ZNF425: variants seen among roughly 807,000 people sequenced by gnomAD.
ZNF425 encodes zinc finger protein 425.
In ZNF425, 21 loss-of-function variants were observed where a neutral mutation model predicts 17.0. The ratio of observed to expected loss-of-function variants is 1.23; its 90% CI spans 0.88 to 1.78. The LOEUF (loss-of-function observed/expected upper bound fraction) is 1.78, where lower values mean the gene tolerates loss of function less well. Among genes scored for constraint, ZNF425 ranks in the 40% most tolerant of loss-of-function variants. The pLI, the probability that ZNF425 is intolerant of heterozygous loss-of-function variation, is 0.00. For missense variants in ZNF425, 868 were observed against 967.3 expected, an observed-to-expected ratio of 0.90 and a Z score of 1.36; for synonymous variants, 433 against 384.1, an observed-to-expected ratio of 1.13 and a Z score of -1.49.
Position 149,126,298 on chromosome 7 carries a change from C to A in ZNF425, c.-85G>T. The A allele has an allele frequency of 6.6e-7, 1 of 1,526,216 alleles. No individual in the cohort carries two copies. 94.5% of individuals were successfully genotyped at this position (1,526,216 alleles called of 1,614,324 possible). A position where few individuals can be genotyped will look rare whatever the true frequency, so the allele number is the denominator to read the frequency against. ...CAACTCCCAGGTACAGCCCTGCTGGCCCCCAAAGGCAGAGCCGGCCGGGCG... is the reference window on the plus strand; with the variant it reads ...CAACTCCCAGGTACAGCCCTGCTGGACCCCAAAGGCAGAGCCGGCCGGGCG... On this transcript the variant is annotated 5_prime_UTR_variant, in exon 1 of 4. Coordinates refer to ENST00000378061, the MANE Select transcript of ZNF425 (RefSeq NM_001001661.3).
At chr7:149,123,048 G>C (rs556679000) in intron 1 of ZNF425, among the ~76,000 whole-genome samples, 104 of 152,248 alleles carry the variant, frequency 6.8e-4, no homozygotes, top group Non-Finnish European at 1.4e-3. Flanking sequence ...CATTTTATGT[G>C]AACTCATGTT....
chr7:149,111,187 C>T (rs762821021), intron 3 of ZNF425, among the ~76,000 whole-genome samples: 15 of 151,712 alleles, frequency 9.9e-5, no homozygotes, highest in African/African-American at 1.7e-4. Flanking sequence ...TGGTGGCTCA[C>T]GTCTATAATC....
Position 149,104,125 on chromosome 7 carries a change from G to C in ZNF425, c.1746C>G (p.Phe582Leu). The C allele has an allele frequency of 2.5e-6, 4 of 1,612,510 alleles. No homozygotes were observed. The highest frequency in any genetic ancestry group is 4.5e-5 in the East Asian group (2 of 44,820). Residue 582 changes from phenylalanine (F) to leucine (L), a missense_variant, in exon 4 of 4, where the codon TTC becomes TTG. Coordinates refer to ENST00000378061, the MANE Select transcript of ZNF425 (RefSeq NM_001001661.3). This position sits in a 1 kb window ranked among gnomAD's most constrained non-coding sequence, Gnocchi z 4.3. ...HQRMHRDEKP[F>L]ACGECDKTYT... The stretch of plus-strand genomic sequence containing the variant: ...AGGTCTTGTCACACTCACCGCACGC[G>C]AAGGGCTTCTCGTCCCTGTGCATCC...
chr7:149,108,388 C>CTAA (rs1267070489), intron 3 of ZNF425, among the ~76,000 whole-genome samples: 1 of 152,166 alleles, frequency 6.6e-6, no homozygotes, highest in Non-Finnish European at 1.5e-5. Flanking sequence ...TAAGTTAACA[C>CTAA]TAATACCTTT....
chr7:149,108,809 T>G (rs1390276271), intron 3 of ZNF425, among the ~76,000 whole-genome samples: 1 of 152,100 alleles, frequency 6.6e-6, no homozygotes, highest in African/African-American at 2.4e-5. Context: ...GGGGAATCGT[T>G]TGAATCCGGG....
rs767501975 is a variant in ZNF425 at position 149,104,008 on chromosome 7, G to T, written c.1863C>A (p.Leu621=). 1.9e-6 allele frequency: 3 copies of T among 1,613,718 alleles called. No individual in the cohort carries two copies. Among genetic ancestry groups the T allele is most frequent in the Admixed American group, 3.3e-5 (2 of 59,984 alleles). The change falls in exon 4 of 4, where the codon CTC becomes CTA. Residue 621 remains leucine, a synonymous_variant. Coordinates refer to ENST00000378061, the MANE Select transcript of ZNF425 (RefSeq NM_001001661.3). This position sits in a 1 kb window ranked among gnomAD's most constrained non-coding sequence, Gnocchi z 4.3. ...GCAGGTGGCTTTTCAGGTTTCCCTT[G>T]AGGCGGAAAGTCTTCTCGCATTCAG... The part of the protein sequence containing the change: ...QCPECEKTFR[L]KGNLKSHLLQ...
intron 2 of ZNF425, among the ~76,000 whole-genome samples, chr7:149,114,980 G>C (rs1826238541): frequency 7.1e-6 from 1 of 140,626 alleles, no homozygotes; most frequent in African/African-American, 2.7e-5. Flanking sequence ...TGTCACCCAG[G>C]CTGGACTGCA....
chr7:149,103,608 T>C lies in ZNF425; in HGVS notation c.*4A>G, dbSNP rs1158009954. 1 of 1,587,504 alleles carries C rather than the reference T, an allele frequency of 6.3e-7. No individual in the cohort carries two copies. Among genetic ancestry groups the C allele is most frequent in the Non-Finnish European group, 8.6e-7 (1 of 1,169,506 alleles). ...CCGACTGCGTGACTGCTGCATGGCC[T>C]GACCTAGAGGCTGGAGGGCTTCTCT... On this transcript the variant is annotated 3_prime_UTR_variant, in exon 4 of 4. Coordinates refer to ENST00000378061, the MANE Select transcript of ZNF425 (RefSeq NM_001001661.3).
rs754376785 is a variant in ZNF425, at chr7:149,118,224, A to G, written c.143T>C (p.Leu48Pro). Residue 48 changes from leucine (L) to proline (P), a missense_variant and splice_region_variant, in exon 2 of 4, where the codon CTG becomes CCG. This residue lies in a region of ZNF425 where 179 missense variants were observed against 216.3 expected (regional missense o/e 0.83). Coordinates refer to ENST00000378061, the MANE Select transcript of ZNF425 (RefSeq NM_001001661.3). The part of the protein sequence containing the change: ...MKTNYETLDS[L>P]GYAFSKPDLI... ...GATTCCTTAGAAGCTCATCTTACCC[A>G]GGGAATCAAGGGTCTCGTAATTGGT... The G allele has an allele frequency of 6.2e-7, 1 of 1,613,962 alleles. No homozygotes were observed. The highest frequency in any genetic ancestry group is 1.7e-5 in the Admixed American group (1 of 59,954).
At chr7:149,107,543 T>C (rs1214869263) in intron 3 of ZNF425, among the ~76,000 whole-genome samples, 1 of 151,958 alleles carries the variant, frequency 6.6e-6, no homozygotes, top group Admixed American at 6.6e-5. Flanking sequence ...TTCATCATGT[T>C]AGCCAGGATG....
intron 3 of ZNF425, among the ~76,000 whole-genome samples, chr7:149,108,493 C>T (rs1403065393): frequency 1.3e-5 from 2 of 152,138 alleles, no homozygotes; most frequent in African/African-American, 4.8e-5. Flanking sequence ...CTATTTAACC[C>T]AGGCAGACGA....
intron 2 of ZNF425, 62 bp downstream of exon 2, chr7:149,118,160 G>C: frequency 6.2e-7 from 1 of 1,602,604 alleles, no homozygotes; most frequent in Non-Finnish European, 8.5e-7. Context: ...CTCATACAGG[G>C]AAGGAAGCCT....
At chr7:149,108,037 A>AT (rs1283451774) in intron 3 of ZNF425, among the ~76,000 whole-genome samples, 5 of 151,190 alleles carry the variant, frequency 3.3e-5, no homozygotes, top group Non-Finnish European at 5.9e-5. Flanking sequence ...TGCTCAGCTA[A>AT]TTTTTTTTAT....
chr7:149,103,732 C>T lies in ZNF425; in HGVS notation c.2139G>A (p.Leu713=), dbSNP rs758595467. Residue 713 remains leucine, a synonymous_variant, in exon 4 of 4, where the codon CTG becomes CTA. Coordinates refer to ENST00000378061, the MANE Select transcript of ZNF425 (RefSeq NM_001001661.3). ...AAGGCCTCTCCCCACTGTGAAGGCACAGATGGGCCTTCAGGCTTCTCTTCT... is the reference window on the plus strand; with the variant it reads ...AAGGCCTCTCCCCACTGTGAAGGCATAGATGGGCCTTCAGGCTTCTCTTCT... ...FLQKRSLKAH[L]CLHSGERPFS... 1.9e-6 allele frequency: 3 copies of T among 1,614,210 alleles called. No individual in the cohort carries two copies. In the South Asian group the frequency reaches 3.3e-5, roughly 18 times the overall value.
At chr7:149,109,879 CTTT>C (rs59024495) in intron 3 of ZNF425, among the ~76,000 whole-genome samples, 2 of 140,650 alleles carry the variant, frequency 1.4e-5, no homozygotes, top group Admixed American at 7.2e-5. Context: ...TTTTCTTTTT[CTTT>C]TTTTTTTTTT....
chr7:149,111,591 A>T (rs1474946308), intron 3 of ZNF425, among the ~76,000 whole-genome samples: 1 of 14,392 alleles, frequency 6.9e-5, no homozygotes, highest in East Asian at 0.012. Context: ...GACTCTGTCT[A>T]AAAAAAAAAA....
intron 1 of ZNF425, among the ~76,000 whole-genome samples, chr7:149,123,911 C>T (rs1826404853): frequency 6.7e-6 from 1 of 148,396 alleles, no homozygotes; most frequent in Non-Finnish European, 1.5e-5. Flanking sequence ...GCAGTGATGC[C>T]ATCTCGGCTC....
intron 2 of ZNF425, among the ~76,000 whole-genome samples, chr7:149,114,893 T>C (rs1167559116): frequency 2.7e-5 from 4 of 150,352 alleles, no homozygotes; most frequent in African/African-American, 7.3e-5. Context: ...ATCCTCACCA[T>C]TGAGGTACCA....
At chr7:149,126,044 TCTC>T in intron 1 of ZNF425, 149 bp downstream of exon 1, 1 of 1,462,308 alleles carries the variant, frequency 6.8e-7, no homozygotes, top group Non-Finnish European at 9.4e-7. Context: ...GACTGCACCT[TCTC>T]CAGCCCAGCC....
Sources: gnomAD v4.1 joint callset for allele counts (sites outside exome capture counted in the v4.1 genomes callset) on GRCh38, gnomAD v4.1.1 for gene constraint, gnomAD v4.1.1 regional missense constraint, Gnocchi (gnomAD v3.1) non-coding constraint, MANE v1.5 for transcripts, NCBI Gene and HGNC (gene_info 2026-07-23, HGNC 2026-07-21) for gene names.